The following RGL2 variants were observed in gnomAD, a reference collection of about 807,000 sequenced individuals.
RGL2 encodes the protein ral guanine nucleotide dissociation stimulator like 2.
Under a neutral mutation model 84.6 loss-of-function variants are expected in RGL2, and 40 were observed. The ratio of observed to expected loss-of-function variants is 0.47; its 90% CI spans 0.37 to 0.62. RGL2 has a LOEUF of 0.62. RGL2 is among the 20% of genes least tolerant of loss of function. The probability of loss-of-function intolerance (pLI) is 0.00; values close to 1 mark genes in which losing one functional copy is unlikely to be tolerated. For synonymous variants in RGL2, 369 were observed against 417.3 expected (o/e 0.88, Z 1.41); for missense variants, 865 against 1,019.7 (o/e 0.85, Z 2.07).
At position 33,296,729 on chromosome 6, in the gene RGL2, A is replaced by G. The variant is rs955522578; in HGVS notation, c.288T>C (p.Thr96=). The G allele has an allele frequency of 6.2e-7, 1 of 1,614,036 alleles. No individual in the cohort carries two copies. Among genetic ancestry groups the G allele is most frequent in the Non-Finnish European group, 8.5e-7 (1 of 1,180,018 alleles). ...GTAGGTGTCTGACCAGGGCCTCCAG[A>G]GTGCCAGCTCGGAGCCGTCGGGAGG... ...PRSSRRLRAG[T]LEALVRHLLD... is the part of the protein sequence containing the mutation. Residue 96 remains threonine (T), a synonymous_variant, in exon 4 of 18, where the codon ACT becomes ACC. Coordinates refer to ENST00000497454, the MANE Select transcript of RGL2 (RefSeq NM_004761.5). The surrounding 1 kb of genome is among the most constrained non-coding windows in gnomAD (Gnocchi z 5.0).
At position 33,298,924 on chromosome 6, in the gene RGL2, T is replaced by G. The variant is rs1424105454; in HGVS notation, c.-96A>C. On this transcript the variant is annotated 5_prime_UTR_variant, in exon 1 of 18. Coordinates refer to ENST00000497454, the MANE Select transcript of RGL2 (RefSeq NM_004761.5). The surrounding 1 kb of genome is among the most constrained non-coding windows in gnomAD (Gnocchi z 4.8). ...TCCTGAGCCGCTGTTGCCGTCGGTCTCCGGCCCCGGACCGAGTCCCCTCCC... is the reference window on the plus strand; with the variant it reads ...TCCTGAGCCGCTGTTGCCGTCGGTCGCCGGCCCCGGACCGAGTCCCCTCCC... 2 of 274,864 alleles carry G rather than the reference T, an allele frequency of 7.3e-6. No individual in the cohort carries two copies. Among genetic ancestry groups the G allele is most frequent in the Non-Finnish European group, 1.4e-5 (2 of 146,776 alleles). The allele number at this position is 274,864 out of a possible 1,614,324, so 17.0% of individuals were successfully genotyped here. A position where few individuals can be genotyped will look rare whatever the true frequency, so the allele number is the denominator to read the frequency against.
rs952593066 is a variant in RGL2 at position 33,298,756 on chromosome 6, T to A, written c.-41-105A>T. On this transcript the variant is annotated intron_variant, in intron 1 of 17. Coordinates refer to ENST00000497454, the MANE Select transcript of RGL2 (RefSeq NM_004761.5). This position sits in a 1 kb window ranked among gnomAD's most constrained non-coding sequence, Gnocchi z 4.8. ...TGTCAAGAAGACCGGAAGGGAGTTCTGCAGGAAGGTTGGGGGAGGGGGCAA... is the reference window on the plus strand; with the variant it reads ...TGTCAAGAAGACCGGAAGGGAGTTCAGCAGGAAGGTTGGGGGAGGGGGCAA... 1.3e-5 allele frequency: 6 copies of A among 472,260 alleles called. No individual in the cohort carries two copies. The highest frequency in any genetic ancestry group is 2.2e-5 in the Non-Finnish European group (6 of 275,378). The allele number at this position is 472,260 out of a possible 1,614,324, so 29.3% of individuals were successfully genotyped here.
Position 33,293,692 on chromosome 6 carries a change from C to T in RGL2, c.1516G>A (p.Val506Ile), listed in dbSNP as rs745688495. Residue 506 changes from valine (V) to isoleucine (I), a missense_variant, in exon 14 of 18, where the codon GTA becomes ATA. Transcript: ENST00000497454. The surrounding 1 kb of genome is among the most constrained non-coding windows in gnomAD (Gnocchi z 7.0). ...CCAGGTGGCTCCACCTCACAGGATA[C>T]ACGATGGCTGGGTTAGGGGGGCAAT... ...RPLTEAQSHR[V>I]SCEVEPPGSS... 1 of 1,614,092 alleles carries T rather than the reference C, an allele frequency of 6.2e-7. No homozygotes were observed. Among genetic ancestry groups the T allele is most frequent in the Admixed American group, 1.7e-5 (1 of 60,028 alleles).
chr6:33,301,468 G>A (rs1220365780), upstream of RGL2: 4 of 419,786 alleles, frequency 9.5e-6, no homozygotes, highest in East Asian at 4.0e-5. Flanking sequence ...CAGCTACTCC[G>A]GAGGCTGAAG....
rs1767431886 is a variant in RGL2, at chr6:33,291,985, G to A, written c.*117C>T. 3 of 1,107,974 alleles carry A rather than the reference G, an allele frequency of 2.7e-6. No individual in the cohort carries two copies. The highest frequency in any genetic ancestry group is 4.0e-5 in the Admixed American group (2 of 49,534). 68.6% of individuals were successfully genotyped at this position (1,107,974 alleles called of 1,614,324 possible). A position where few individuals can be genotyped will look rare whatever the true frequency, so the allele number is the denominator to read the frequency against. ...ACCAGTGGCACTTCACTGCCCCAGG[G>A]TGGCTGGCTCCCTTTCTGAATTTCT... On this transcript the variant is annotated 3_prime_UTR_variant, in exon 18 of 18. Transcript: ENST00000497454.
Position 33,295,327 on chromosome 6 carries a change from T to C in RGL2, c.1116A>G (p.Glu372=). Reference sequence around the variant, plus strand: ...TGCCTCAGCCTCCGCACCTGGTTGCTTCCCCCCAGGCTGCCCGAAGCCTGT... The same window carrying C: ...TGCCTCAGCCTCCGCACCTGGTTGCCTCCCCCCAGGCTGCCCGAAGCCTGT... ...PIHRLRAAWG[E]ATRDSLRVFS... Residue 372 remains glutamate, a synonymous_variant, in exon 8 of 18, where the codon GAA becomes GAG. Transcript: ENST00000497454. The surrounding 1 kb of genome is among the most constrained non-coding windows in gnomAD (Gnocchi z 7.2). 2 of 1,577,044 alleles carry C rather than the reference T, an allele frequency of 1.3e-6. No individual in the cohort carries two copies. The highest frequency in any genetic ancestry group is 2.3e-5 in the East Asian group (1 of 43,168).
rs1440973292 is a variant in RGL2 at position 33,297,746 on chromosome 6, C to A, written c.157-631G>T. ...CTCAGAGAGTCACGTGGCCCCAGCC[C>A]CTCCCCCGACCGATCCCGAAAAACC... On this transcript the variant is annotated intron_variant, in intron 2 of 17. Coordinates refer to ENST00000497454, the MANE Select transcript of RGL2 (RefSeq NM_004761.5). The surrounding 1 kb of genome is among the most constrained non-coding windows in gnomAD (Gnocchi z 4.0). The A allele has an allele frequency of 2.6e-5, 4 of 152,354 alleles. No individual in the cohort carries two copies. Among genetic ancestry groups the A allele is most frequent in the African/African-American group, 9.7e-5 (4 of 41,412 alleles). The allele number at this position is 152,354 out of a possible 1,614,324, so 9.4% of individuals were successfully genotyped here. A position where few individuals can be genotyped will look rare whatever the true frequency, so the allele number is the denominator to read the frequency against.
Position 33,296,475 on chromosome 6 carries a change from G to C in RGL2, c.420-11C>G, listed in dbSNP as rs957371619. The C allele has an allele frequency of 6.2e-7, 1 of 1,603,566 alleles. No individual in the cohort carries two copies. Among genetic ancestry groups the C allele is most frequent in the Non-Finnish European group, 8.5e-7 (1 of 1,175,006 alleles). On this transcript the variant is annotated splice_polypyrimidine_tract_variant and intron_variant, in intron 4 of 17. Coordinates refer to ENST00000497454, the MANE Select transcript of RGL2 (RefSeq NM_004761.5). The surrounding 1 kb of genome is among the most constrained non-coding windows in gnomAD (Gnocchi z 5.0). ...TCAAGGGCTTCCAGCCTGAGGGGGA[G>C]AAGAGGATCTATCTGTCCATTTTTC...
At chr6:33,292,569 GCAAT>G (rs1286856439) in intron 16 of RGL2, 25 bp from the exon 17 acceptor site, 1 of 1,563,976 alleles carries the variant, frequency 6.4e-7, no homozygotes, top group Non-Finnish European at 8.8e-7. Context: ...GACCAAAAGA[GCAAT>G]CAATCAGCCA....
upstream of RGL2, chr6:33,300,452 G>C (rs183461458): frequency 2.0e-5 from 3 of 151,812 alleles, no homozygotes; most frequent in South Asian, 2.1e-4. Context: ...ACAAGGTCAG[G>C]AGATCGAGAC....
intron 17 of RGL2, 26 bp from the exon 18 acceptor site, chr6:33,292,339 A>G: frequency 6.2e-7 from 1 of 1,611,256 alleles, no homozygotes; most frequent in Non-Finnish European, 8.5e-7. Context: ...ATGGATGTAA[A>G]GCACACACAC....
Position 33,292,503 on chromosome 6 carries a change from GAC to G in RGL2, c.2047_2048del (p.Val683ProfsTer2). On this transcript the variant is annotated frameshift_variant, in exon 17 of 18. Transcript: ENST00000497454. LOFTEE classifies it high-confidence loss of function. Reference sequence around the variant, plus strand: ...CAGAGTCACGATTGTTTTTCTTAAGGACACGACTGATGACACTTGGAGCCTTG... The same window carrying G: ...CAGAGTCACGATTGTTTTTCTTAAGGACGACTGATGACACTTGGAGCCTTG... ...QDKAPSVISRVLKKNNRDSAV... is the reference protein window; with the variant it reads ...QDKAPSVISRXLKKNNRDSAV... 1.2e-6 allele frequency: 2 copies of G among 1,614,048 alleles called. No individual in the cohort carries two copies. Among genetic ancestry groups the G allele is most frequent in the Non-Finnish European group, 1.7e-6 (2 of 1,180,010 alleles).
intron 16 of RGL2, 102 bp from the exon 17 acceptor site, chr6:33,292,646 G>T: frequency 1.0e-6 from 1 of 1,002,434 alleles, no homozygotes; most frequent in Non-Finnish European, 1.6e-6. Flanking sequence ...TTGTGTCCAA[G>T]GCTTTAAAAT....
At position 33,293,126 on chromosome 6, in the gene RGL2, C is replaced by A. The variant is rs140452775; in HGVS notation, c.1897G>T (p.Gly633Trp). The A allele has an allele frequency of 6.2e-7, 1 of 1,613,012 alleles. No individual in the cohort carries two copies. The highest frequency in any genetic ancestry group is 1.1e-5 in the South Asian group (1 of 90,966). ...CCCTCTCCCCCATATCCAGTCCCCC[C>A]GGAGGCCTCTTCTGCACCCCCACTC... ...PLSGGAEEAS[G>W]GTGYGGEGSG... The change falls in exon 16 of 18, where the codon GGG (glycine) becomes TGG (tryptophan). Residue 633 changes from glycine (G) to tryptophan (W), a missense_variant. By Grantham distance (184) the Gly-to-Trp change is radical. This residue lies in a region of RGL2 where 302 missense variants were observed against 327.9 expected (regional missense o/e 0.92). Transcript: ENST00000497454. The surrounding 1 kb of genome is among the most constrained non-coding windows in gnomAD (Gnocchi z 7.0).
upstream of RGL2, chr6:33,300,544 C>G (rs1768478967): frequency 6.6e-6 from 1 of 151,670 alleles, no homozygotes; most frequent in Non-Finnish European, 1.5e-5. Flanking sequence ...CCCTGTAGTC[C>G]CAGCTACTCG....
At chr6:33,300,276 G>A (rs1768452688), upstream of RGL2, 1 of 153,806 alleles carries the variant, frequency 6.5e-6, no homozygotes, top group Non-Finnish European at 1.5e-5. Context: ...TAGAGTACGG[G>A]TTCTCCAAAT....
rs769005160 is a variant in RGL2 at position 33,298,612 on chromosome 6, G to A, written c.-2C>T. The A allele has an allele frequency of 1.8e-5, 26 of 1,450,462 alleles. No homozygotes were observed. Among genetic ancestry groups the A allele is most frequent in the Non-Finnish European group, 2.3e-5 (25 of 1,101,132 alleles). The allele number at this position is 1,450,462 out of a possible 1,614,324, so 89.8% of individuals were successfully genotyped here. On this transcript the variant is annotated 5_prime_UTR_variant, in exon 2 of 18. Coordinates refer to ENST00000497454, the MANE Select transcript of RGL2 (RefSeq NM_004761.5). This position sits in a 1 kb window ranked among gnomAD's most constrained non-coding sequence, Gnocchi z 4.8. ...CAGCCGCAGGGGCCGCGGGAGCATG[G>A]CCGAGTGAAGGAATCAGCGGGGTCG...
In RGL2 at chr6:33,296,926, C is replaced by A; in HGVS notation, c.240+106G>T. On this transcript the variant is annotated intron_variant, in intron 3 of 17. Coordinates refer to ENST00000497454, the MANE Select transcript of RGL2 (RefSeq NM_004761.5). This position sits in a 1 kb window ranked among gnomAD's most constrained non-coding sequence, Gnocchi z 5.0. ...CTTGGCCTATGTCACACAGCAGAGT[C>A]CAGGACTCCAGAACTCCAACCTAGC... The A allele has an allele frequency of 6.8e-7, 1 of 1,476,344 alleles. No individual in the cohort carries two copies. Among genetic ancestry groups the A allele is most frequent in the Non-Finnish European group, 9.5e-7 (1 of 1,055,578 alleles). 91.5% of individuals were successfully genotyped at this position (1,476,344 alleles called of 1,614,324 possible).
Position 33,296,328 on chromosome 6 carries a change from G to A in RGL2, c.471-3C>T. 6.2e-7 allele frequency: 1 copy of A among 1,609,348 alleles called. No individual in the cohort carries two copies. The highest frequency in any genetic ancestry group is 8.5e-7 in the Non-Finnish European group (1 of 1,177,206). ...TTGACAGTACAGAGATGGCTACCCT[G>A]GGAGAAGGGAATCAGCCAAGGGTGA... On this transcript the variant is annotated splice_polypyrimidine_tract_variant and splice_region_variant and intron_variant, in intron 5 of 17. Coordinates refer to ENST00000497454, the MANE Select transcript of RGL2 (RefSeq NM_004761.5). This position sits in a 1 kb window ranked among gnomAD's most constrained non-coding sequence, Gnocchi z 5.0.
Sources: gnomAD v4.1 joint callset for allele counts on GRCh38, gnomAD v4.1.1 for gene constraint, gnomAD v4.1.1 regional missense constraint, Gnocchi (gnomAD v3.1) non-coding constraint, MANE v1.5 for transcripts, NCBI Gene and HGNC (gene_info 2026-07-23, HGNC 2026-07-21) for gene names.